Variants in SYNPO2 observed in about 807,000 individuals in gnomAD.
SYNPO2 encodes synaptopodin-2.
A neutral mutation model predicts 85.0 loss-of-function variants in SYNPO2; 56 were observed. The observed-to-expected ratio is 0.66, with a 90% CI of 0.53 to 0.82. The LOEUF is 0.82. Among genes scored for constraint, SYNPO2 ranks in the 40% least tolerant of loss-of-function variants. The pLI is 0.00. For missense variants in SYNPO2, 1,575 were observed against 1,534.2 expected (o/e 1.03, Z -0.44); for synonymous variants, 602 against 591.1 (o/e 1.02, Z -0.27).
intron 1 of SYNPO2, among the ~76,000 whole-genome samples, chr4:118,983,620 C>G (rs916295477): frequency 6.6e-6 from 1 of 152,198 alleles, no homozygotes; most frequent in African/African-American, 2.4e-5. Context: ...GAACATTTCT[C>G]CTTAGTCTCT....
chr4:118,913,563 T>TTGTGTG (rs10686830), intron 1 of SYNPO2, among the ~76,000 whole-genome samples: 2,016 of 147,376 alleles, frequency 0.014, 20 homozygotes, highest in Non-Finnish European at 0.022. Context: ...CATTTATTGT[T>TTGTGTG]TGTGTGTGTG....
intron 1 of SYNPO2, among the ~76,000 whole-genome samples, chr4:119,013,834 C>T (rs933164245): frequency 4.6e-5 from 7 of 152,126 alleles, no homozygotes; most frequent in Non-Finnish European, 1.0e-4. Flanking sequence ...AAGATGCATT[C>T]AAAATGCAAA....
chr4:118,929,267 T>C (rs1359580775), intron 1 of SYNPO2, among the ~76,000 whole-genome samples: 1 of 152,128 alleles, frequency 6.6e-6, no homozygotes, highest in African/African-American at 2.4e-5. Flanking sequence ...GTTTAGTGGC[T>C]ACTTTTTATT....
At chr4:119,009,729 T>C (rs1460562262) in intron 1 of SYNPO2, among the ~76,000 whole-genome samples, 1 of 152,208 alleles carries the variant, frequency 6.6e-6, no homozygotes, top group Admixed American at 6.5e-5. Context: ...TTCTGTACTT[T>C]GAAAGTCCTC....
chr4:118,937,337 C>G (rs1271806663), intron 1 of SYNPO2, among the ~76,000 whole-genome samples: 1 of 152,146 alleles, frequency 6.6e-6, no homozygotes, highest in Non-Finnish European at 1.5e-5. Context: ...TACCTCTCCC[C>G]TGCTTGAAAC....
At chr4:118,902,740 G>A (rs1055660559) in intron 1 of SYNPO2, among the ~76,000 whole-genome samples, 1 of 152,146 alleles carries the variant, frequency 6.6e-6, no homozygotes, top group African/African-American at 2.4e-5. Flanking sequence ...CTCCCCGTGA[G>A]AGAAGAGGAA....
intron 1 of SYNPO2, among the ~76,000 whole-genome samples, chr4:118,940,098 G>A (rs979151037): frequency 6.7e-6 from 1 of 150,292 alleles, no homozygotes; most frequent in African/African-American, 2.5e-5. Flanking sequence ...CGATTCTCCT[G>A]CCTCAACCTC....
chr4:119,031,261 A>G lies in SYNPO2; in HGVS notation c.2486A>G (p.Lys829Arg), dbSNP rs1738243679. ...ACTTTGAACGTGGCTGGTCCCTTCA[A>G]AGGACCACAAGCAGCAGTAGCCAGT... ...ASTLNVAGPF[K>R]GPQAAVASQN... is the part of the protein sequence containing the mutation. Residue 829 changes from lysine (K) to arginine (R), a missense_variant, in exon 4 of 5, where the codon AAA (lysine) becomes AGA (arginine). Coordinates refer to ENST00000307142, the MANE Select transcript of SYNPO2 (RefSeq NM_133477.3). The G allele has an allele frequency of 6.2e-7, 1 of 1,613,968 alleles. No homozygotes were observed. The highest frequency in any genetic ancestry group is 1.1e-5 in the South Asian group (1 of 91,072).
At chr4:118,886,430 G>A (rs994344919), upstream of SYNPO2, among the ~76,000 whole-genome samples, 5 of 152,240 alleles carry the variant, frequency 3.3e-5, no homozygotes, top group African/African-American at 1.2e-4. Context: ...AGGCCTCAGT[G>A]TGTGATGTTT....
At chr4:118,871,843 A>C (rs1038276949) in intron 1 of SYNPO2, among the ~76,000 whole-genome samples, 6 of 152,248 alleles carry the variant, frequency 3.9e-5, no homozygotes, top group Non-Finnish European at 5.9e-5. Context: ...TGCTGGGATT[A>C]CAGGCGTGAG....
intron 1 of SYNPO2, among the ~76,000 whole-genome samples, chr4:118,852,629 C>T (rs1052320533): frequency 9.2e-5 from 14 of 152,020 alleles, no homozygotes; most frequent in African/African-American, 3.4e-4. Flanking sequence ...GAACAGAAAA[C>T]CAAATACCAC....
At chr4:119,020,736 A>AT (rs967235547) in intron 1 of SYNPO2, among the ~76,000 whole-genome samples, 3 of 151,936 alleles carry the variant, frequency 2.0e-5, no homozygotes, top group Non-Finnish European at 2.9e-5. Flanking sequence ...TACCTACCTA[A>AT]TTTTTTTTAT....
chr4:119,044,309 CAT>C (rs1553949856), intron 4 of SYNPO2, among the ~76,000 whole-genome samples: 3 of 152,202 alleles, frequency 2.0e-5, no homozygotes. Context: ...GAAAATCCCA[CAT>C]AGTTTATGGC....
chr4:119,043,262 T>C (rs1231632311), intron 4 of SYNPO2: 1 of 152,196 alleles, frequency 6.6e-6, no homozygotes, highest in Non-Finnish European at 1.5e-5. Flanking sequence ...TCTCTTTCTC[T>C]CAAATGTGTA....
chr4:119,056,843 A>G (rs10033427), intron 4 of SYNPO2, among the ~76,000 whole-genome samples: 1 of 152,312 alleles, frequency 6.6e-6, no homozygotes, highest in African/African-American at 2.4e-5. Flanking sequence ...TACATCTAAG[A>G]AGCTCTGGTT....
intron 1 of SYNPO2, among the ~76,000 whole-genome samples, chr4:118,938,612 G>A (rs1734195470): frequency 6.6e-6 from 1 of 152,122 alleles, no homozygotes; most frequent in Admixed American, 6.5e-5. Context: ...TGTTTTCACT[G>A]GTAGCTTCCC....
intron 1 of SYNPO2, among the ~76,000 whole-genome samples, chr4:118,932,734 A>G (rs567257079): frequency 1.3e-5 from 2 of 152,358 alleles, no homozygotes; most frequent in South Asian, 4.1e-4. Context: ...AACCTTAAAT[A>G]ACCATTGTTA....
intron 1 of SYNPO2, among the ~76,000 whole-genome samples, chr4:118,862,537 G>C (rs567702123): frequency 3.9e-5 from 6 of 152,246 alleles, no homozygotes; most frequent in African/African-American, 1.4e-4. Context: ...TATCATGAAG[G>C]GATGTTGAAT....
At chr4:118,979,984 C>G (rs1235051616) in intron 1 of SYNPO2, among the ~76,000 whole-genome samples, 1 of 152,194 alleles carries the variant, frequency 6.6e-6, no homozygotes, top group Non-Finnish European at 1.5e-5. Flanking sequence ...CTCATCCACA[C>G]TTGTGTTATC....
Sources: allele counts gnomAD v4.1 joint callset (sites outside exome capture counted in the v4.1 genomes callset), GRCh38; gene constraint gnomAD v4.1.1; transcripts MANE v1.5; gene names NCBI Gene and HGNC (gene_info 2026-07-23, HGNC 2026-07-21).